Variants in METAP1 observed in about 807,000 individuals in gnomAD.
The protein encoded by METAP1 is methionyl aminopeptidase 1.
A neutral mutation model predicts 53.8 loss-of-function variants in METAP1; 28 were observed. The observed-to-expected ratio is 0.52, with a 90% CI of 0.39 to 0.71. The LOEUF is 0.71. METAP1 is among the 30% of genes least tolerant of loss of function. The pLI, the probability that METAP1 is intolerant of heterozygous loss-of-function variation, is 0.00. For synonymous variants in METAP1, 181 were observed against 165.7 expected, an observed-to-expected ratio of 1.09 and a Z score of -0.71; for missense variants, 389 against 479.8, an observed-to-expected ratio of 0.81 and a Z score of 1.77.
chr4:99,003,400 A>G (rs1579234814), intron 1 of METAP1, among the ~76,000 whole-genome samples: 2 of 152,170 alleles, frequency 1.3e-5, no homozygotes, highest in South Asian at 4.1e-4. Flanking sequence ...AAATAGGTAA[A>G]TGTAAGTTCC....
intron 3 of METAP1, 75 bp downstream of exon 3, chr4:99,034,417 A>G: frequency 1.2e-6 from 1 of 846,894 alleles, no homozygotes. Flanking sequence ...TTTGTTTTCC[A>G]GTAGTGAATC....
At position 98,998,396 on chromosome 4, in the gene METAP1, G is replaced by A. The variant is rs184417203; in HGVS notation, c.114+2529G>A. ...AAATTAGCTGGGCGTGGTGGCACAC[G>A]CCTGTAGTCCCAGCTACTCAGGAGG... is the stretch of plus-strand genomic sequence containing the variant. On this transcript the variant is annotated intron_variant, in intron 1 of 10. Coordinates refer to ENST00000296411, the MANE Select transcript of METAP1 (RefSeq NM_015143.3). Among the ~76,000 whole-genome samples the A allele has an allele frequency of 6.8e-3, 1,030 of 152,216 alleles. 15 individuals are homozygous for A. The highest frequency in any genetic ancestry group is 0.024 in the African/African-American group (986 of 41,520).
At chr4:99,003,239 A>C (rs1049561048) in intron 1 of METAP1, among the ~76,000 whole-genome samples, 4 of 152,226 alleles carry the variant, frequency 2.6e-5, no homozygotes, top group South Asian at 2.1e-4. Flanking sequence ...TATCATTATA[A>C]AGTGGGAGGC....
chr4:99,055,556 A>G (rs1727051610), intron 9 of METAP1, among the ~76,000 whole-genome samples: 2 of 152,194 alleles, frequency 1.3e-5, no homozygotes, highest in East Asian at 1.9e-4. Flanking sequence ...CTGCGATAGT[A>G]TAGTCACTCA....
rs1038297544 is a variant in METAP1, at chr4:99,062,483, A to T, written c.*1166A>T. On this transcript the variant is annotated 3_prime_UTR_variant, in exon 11 of 11. Transcript: ENST00000296411. ...CCAAGTAGGAGTGTATCCAGTGAAG[A>T]CATATCAAATCACAAAGTCATTGTC... is the stretch of plus-strand genomic sequence containing the variant. 1.3e-5 allele frequency: 2 copies of T among 152,654 alleles called. No individual in the cohort carries two copies. The highest frequency in any genetic ancestry group is 4.8e-5 in the African/African-American group (2 of 41,458). 9.5% of individuals were successfully genotyped at this position (152,654 alleles called of 1,614,324 possible). A position where few individuals can be genotyped will look rare whatever the true frequency, so the allele number is the denominator to read the frequency against.
At chr4:99,027,378 A>G (rs1237576705) in intron 1 of METAP1, among the ~76,000 whole-genome samples, 1 of 152,162 alleles carries the variant, frequency 6.6e-6, no homozygotes, top group Non-Finnish European at 1.5e-5. Context: ...AATGATTTTT[A>G]GGGGAACTCA....
intron 1 of METAP1, among the ~76,000 whole-genome samples, chr4:99,014,647 G>C (rs1230177): frequency 0.79 from 120,795 of 152,078 alleles, 48,594 homozygotes; most frequent in East Asian, 0.99. Context: ...AGGAGCTCTT[G>C]TAGTGTGTTG....
intron 1 of METAP1, among the ~76,000 whole-genome samples, chr4:99,004,554 G>A (rs1005263663): frequency 6.6e-6 from 1 of 151,134 alleles, no homozygotes; most frequent in Non-Finnish European, 1.5e-5. Flanking sequence ...AAAGAAGCAT[G>A]ATACAGTAAA....
intron 1 of METAP1, among the ~76,000 whole-genome samples, chr4:99,024,902 G>C (rs1214595450): frequency 6.6e-6 from 1 of 152,178 alleles, no homozygotes; most frequent in Admixed American, 6.5e-5. Flanking sequence ...GGGTGGTGGG[G>C]ATATGGTTTC....
chr4:99,016,400 C>G (rs1237772153), intron 1 of METAP1, among the ~76,000 whole-genome samples: 3 of 152,208 alleles, frequency 2.0e-5, no homozygotes, highest in Admixed American at 2.0e-4. Flanking sequence ...ATTCTTTCTA[C>G]TCTCCTGGAG....
intron 3 of METAP1, among the ~76,000 whole-genome samples, chr4:99,034,948 TAA>T (rs1252915116): frequency 6.6e-6 from 1 of 152,228 alleles, no homozygotes; most frequent in Non-Finnish European, 1.5e-5. Context: ...CTTAAATATT[TAA>T]ATTCTCTTTA....
intron 8 of METAP1, among the ~76,000 whole-genome samples, chr4:99,048,471 G>A (rs980634309): frequency 1.3e-5 from 2 of 152,000 alleles, no homozygotes; most frequent in Non-Finnish European, 2.9e-5. Context: ...GGGTTCTAGT[G>A]ATCCTCCTAG....
intron 1 of METAP1, chr4:99,022,988 A>G (rs1269550346): frequency 1.4e-6 from 2 of 1,473,938 alleles, no homozygotes; most frequent in African/African-American, 1.4e-5. Context: ...TGGCCCAGGT[A>G]CACAATACCT....
At chr4:99,003,816 T>A (rs1723033721) in intron 1 of METAP1, among the ~76,000 whole-genome samples, 1 of 152,188 alleles carries the variant, frequency 6.6e-6, no homozygotes, top group African/African-American at 2.4e-5. Flanking sequence ...CAATCATTTC[T>A]GCAGTGGACA....
intron 4 of METAP1, among the ~76,000 whole-genome samples, chr4:99,036,595 T>C (rs987208267): frequency 1.3e-5 from 2 of 152,086 alleles, no homozygotes; most frequent in African/African-American, 4.8e-5. Context: ...GAAAAAACTA[T>C]ATTTACCTTT....
At chr4:99,038,212 A>G (rs914500768) in intron 4 of METAP1, among the ~76,000 whole-genome samples, 4 of 152,022 alleles carry the variant, frequency 2.6e-5, no homozygotes, top group African/African-American at 9.7e-5. Context: ...AGAGATACAT[A>G]ATCACATCTG....
chr4:99,027,552 C>G (rs1378523849), intron 1 of METAP1, among the ~76,000 whole-genome samples: 4 of 151,840 alleles, frequency 2.6e-5, no homozygotes, highest in South Asian at 2.1e-4. Context: ...TCACCCCCCC[C>G]CCGCCTTTGT....
intron 2 of METAP1, among the ~76,000 whole-genome samples, chr4:99,032,118 A>G (rs578028942): frequency 1.3e-5 from 2 of 152,270 alleles, no homozygotes; most frequent in South Asian, 4.1e-4. Context: ...TCCGTTAAGT[A>G]AATTGTACCT....
At chr4:99,020,007 T>G (rs984119479) in intron 1 of METAP1, among the ~76,000 whole-genome samples, 1 of 152,178 alleles carries the variant, frequency 6.6e-6, no homozygotes, top group African/African-American at 2.4e-5. Flanking sequence ...ATCCCTCATA[T>G]TCTTCTGGTG....
Sources: allele counts gnomAD v4.1 joint callset (sites outside exome capture counted in the v4.1 genomes callset), GRCh38; gene constraint gnomAD v4.1.1; transcripts MANE v1.5; gene names NCBI Gene and HGNC (gene_info 2026-07-23, HGNC 2026-07-21).